RBL1: variants seen among roughly 807,000 people sequenced by gnomAD.
The protein encoded by RBL1 is retinoblastoma-like protein 1.
RBL1 carries 82 observed loss-of-function variants against 123.0 expected under a neutral mutation model. The ratio of observed to expected loss-of-function variants is 0.67; its 90% CI spans 0.56 to 0.80. The LOEUF (loss-of-function observed/expected upper bound fraction) is 0.80. Among genes scored for constraint, RBL1 ranks in the 30% least tolerant of loss-of-function variants. The pLI, the probability that RBL1 is intolerant of heterozygous loss-of-function variation, is 0.00. For missense variants in RBL1, 1,171 were observed against 1,299.6 expected, an observed-to-expected ratio of 0.90 and a Z score of 1.52; for synonymous variants, 405 against 441.3, an observed-to-expected ratio of 0.92 and a Z score of 1.03.
At chr20:37,075,907 T>C (rs1353972303) in intron 2 of RBL1, among the ~76,000 whole-genome samples, 1 of 152,248 alleles carries the variant, frequency 6.6e-6, no homozygotes, top group Non-Finnish European at 1.5e-5. Context: ...CATATCATGA[T>C]ACTTTGTGTG....
In RBL1 at chr20:37,032,862, C is replaced by T; in HGVS notation, c.2185G>A (p.Ala729Thr). ...TIPLHGVAND[A>T]GEITLIPLSM... Reference sequence around the variant, plus strand: ...AGAGGTATCAGTGTGATCTCTCCAGCATCATTTGCGACACCTGAATGTATA... The same window carrying T: ...AGAGGTATCAGTGTGATCTCTCCAGTATCATTTGCGACACCTGAATGTATA... The change falls in exon 16 of 22, where the codon GCT (alanine) becomes ACT (threonine). Residue 729 changes from alanine to threonine, a missense_variant. Transcript: ENST00000373664. 1 of 1,613,918 alleles carries T rather than the reference C, an allele frequency of 6.2e-7. No individual in the cohort carries two copies. The highest frequency in any genetic ancestry group is 1.7e-4 in the Middle Eastern group (1 of 6,058).
chr20:37,047,098 A>C lies in RBL1; in HGVS notation c.1560T>G (p.Pro520=), dbSNP rs1205728556. Residue 520 remains proline, a synonymous_variant, in exon 12 of 22, where the codon CCT becomes CCG. Transcript: ENST00000373664. ...LFAYSSPRTF[P]WIIEVLNLQP... is the part of the protein sequence containing the mutation. ...GCAAGTTGAGAACTTCAATAATCCAAGGAAAAGTACGAGGTGAGCTATAGG... is the reference window on the plus strand; with the variant it reads ...GCAAGTTGAGAACTTCAATAATCCACGGAAAAGTACGAGGTGAGCTATAGG... 1 of 1,599,044 alleles carries C rather than the reference A, an allele frequency of 6.3e-7. No homozygotes were observed. The highest frequency in any genetic ancestry group is 8.5e-7 in the Non-Finnish European group (1 of 1,176,946).
intron 14 of RBL1, among the ~76,000 whole-genome samples, chr20:37,039,781 G>T (rs146536405): frequency 2.0e-5 from 3 of 151,466 alleles, no homozygotes; most frequent in Middle Eastern, 3.4e-3. Flanking sequence ...TCACTATTTC[G>T]CCCAGGCTGG....
chr20:37,065,038 C>T (rs1481578364), intron 7 of RBL1, among the ~76,000 whole-genome samples: 1 of 151,422 alleles, frequency 6.6e-6, no homozygotes, highest in African/African-American at 2.4e-5. Context: ...TTCAAACGAT[C>T]CTCCAACCTC....
At chr20:37,081,872 C>T in intron 2 of RBL1, 1 of 369,238 alleles carries the variant, frequency 2.7e-6, no homozygotes, top group South Asian at 2.0e-5. Flanking sequence ...GATTTGAAAT[C>T]TGAGAGGAGA....
chr20:37,081,169 CTT>C (rs1381295186), intron 2 of RBL1, among the ~76,000 whole-genome samples: 3 of 152,206 alleles, frequency 2.0e-5, no homozygotes, highest in African/African-American at 4.8e-5. Flanking sequence ...CCACTTCTCT[CTT>C]GTTTAAAATT....
intron 16 of RBL1, among the ~76,000 whole-genome samples, chr20:37,026,427 C>T (rs974308458): frequency 1.3e-5 from 2 of 151,738 alleles, no homozygotes; most frequent in Non-Finnish European, 1.5e-5. Context: ...AAATTATTGC[C>T]GGGCGCAGTG....
intron 12 of RBL1, among the ~76,000 whole-genome samples, chr20:37,046,491 T>A (rs1239075779): frequency 1.3e-5 from 2 of 152,052 alleles, no homozygotes; most frequent in East Asian, 3.9e-4. Context: ...CTCAAACTCC[T>A]GGACTCAAGC....
intron 16 of RBL1, among the ~76,000 whole-genome samples, chr20:37,031,094 T>C (rs889266297): frequency 3.3e-5 from 5 of 152,042 alleles, no homozygotes. Flanking sequence ...TATAAAACTC[T>C]TAGACGAAAA....
chr20:37,031,638 G>A (rs1802352513), intron 16 of RBL1, among the ~76,000 whole-genome samples: 1 of 152,192 alleles, frequency 6.6e-6, no homozygotes, highest in Admixed American at 6.6e-5. Flanking sequence ...TGTGGAAAAT[G>A]GTACGGTGGT....
chr20:37,052,317 C>T (rs753550220), intron 11 of RBL1, among the ~76,000 whole-genome samples: 4 of 151,848 alleles, frequency 2.6e-5, no homozygotes, highest in African/African-American at 9.7e-5. Flanking sequence ...AGGCGTGAGC[C>T]GCCGTGCCCA....
chr20:37,081,252 T>G (rs912262321), intron 2 of RBL1, among the ~76,000 whole-genome samples: 1 of 152,196 alleles, frequency 6.6e-6, no homozygotes, highest in Admixed American at 6.5e-5. Flanking sequence ...TTCCTAATGG[T>G]GTGAGATATT....
chr20:37,046,181 A>G (rs2064816617), intron 12 of RBL1, among the ~76,000 whole-genome samples: 1 of 152,214 alleles, frequency 6.6e-6, no homozygotes, highest in Admixed American at 6.5e-5. Flanking sequence ...TTTATTAGTT[A>G]GACCACCACC....
rs373690469 is a variant in RBL1 at position 37,045,077 on chromosome 20, TTTAC to T, written c.1606-831_1606-828del. ...TGTATGACTTTAATATTCACATTTA[TTTAC>T]TTATTTATTTATTTATTTATTTATT... On this transcript the variant is annotated intron_variant, in intron 12 of 21. Transcript: ENST00000373664. Among the ~76,000 whole-genome samples, 322 of 144,256 alleles carry T rather than the reference TTTAC, an allele frequency of 2.2e-3. 2 individuals carry two copies. In the Middle Eastern group the frequency reaches 0.026, roughly 12 times the overall value. The allele number at this position is 144,256 out of a possible 152,430, so 94.6% of individuals were successfully genotyped here.
chr20:37,025,997 C>A (rs1375380800), intron 16 of RBL1, among the ~76,000 whole-genome samples: 2 of 152,100 alleles, frequency 1.3e-5, no homozygotes, highest in East Asian at 3.9e-4. Flanking sequence ...CCCGTCTTGG[C>A]CTCCCAAAGT....
chr20:37,035,384 T>C lies in RBL1; in HGVS notation c.2028A>G (p.Thr676=), dbSNP rs374567938. The part of the protein sequence containing the change: ...PKEMLMDKII[T]EGTKLKIAPS... ...GAGCGATTTTCAATTTTGTTCCTTC[T>C]GTTATGATCTTGTCCATAAGCATTT... The change falls in exon 15 of 22, where the codon ACA becomes ACG. Residue 676 remains threonine, a synonymous_variant. Coordinates refer to ENST00000373664, the MANE Select transcript of RBL1 (RefSeq NM_002895.5). 1.4e-5 allele frequency: 23 copies of C among 1,614,196 alleles called. No individual in the cohort carries two copies. Among genetic ancestry groups the C allele is most frequent in the Non-Finnish European group, 1.9e-5 (23 of 1,180,020 alleles).
At chr20:37,006,874 T>A (rs1012054035) in intron 20 of RBL1, among the ~76,000 whole-genome samples, 2 of 148,334 alleles carry the variant, frequency 1.3e-5, no homozygotes, top group African/African-American at 2.5e-5. Context: ...AAAAAACAAA[T>A]TAGTTGTTTT....
At chr20:37,062,924 G>C (rs559893585) in intron 7 of RBL1, among the ~76,000 whole-genome samples, 2 of 152,296 alleles carry the variant, frequency 1.3e-5, no homozygotes, top group African/African-American at 4.8e-5. Context: ...GGAGCTTGCA[G>C]TGAGCTGAGA....
At chr20:37,027,934 T>G (rs2064451974) in intron 16 of RBL1, among the ~76,000 whole-genome samples, 1 of 152,188 alleles carries the variant, frequency 6.6e-6, no homozygotes, top group Admixed American at 6.6e-5. Flanking sequence ...TTTAATTTTT[T>G]GGTAGAGACT....
Sources: gnomAD v4.1 joint callset for allele counts (sites outside exome capture counted in the v4.1 genomes callset) on GRCh38, gnomAD v4.1.1 for gene constraint, MANE v1.5 for transcripts, NCBI Gene and HGNC (gene_info 2026-07-23, HGNC 2026-07-21) for gene names.